The following TXNRD2 variants were observed in gnomAD, a reference collection of about 807,000 sequenced individuals.
The protein encoded by TXNRD2 is thioredoxin reductase 2.
A neutral mutation model predicts 70.8 loss-of-function variants in TXNRD2; 67 were observed. That is an observed-to-expected ratio of 0.95 (90% confidence interval 0.78 to 1.16). The LOEUF is 1.16. TXNRD2 is among the 50% of genes most tolerant of loss of function. The pLI is 0.00. For missense variants in TXNRD2, 644 were observed against 719.9 expected (o/e 0.89, Z 1.21); for synonymous variants, 301 against 295.8 (o/e 1.02, Z -0.18).
At chr22:19,911,953 C>A (rs2146026647) in intron 7 of TXNRD2, among the ~76,000 whole-genome samples, 1 of 152,268 alleles carries the variant, frequency 6.6e-6, no homozygotes. Flanking sequence ...GTCTGCGCGG[C>A]AGGGGTGGCC....
At chr22:19,912,494 C>G (rs2146028486) in intron 7 of TXNRD2, among the ~76,000 whole-genome samples, 1 of 152,338 alleles carries the variant, frequency 6.6e-6, no homozygotes, top group South Asian at 2.1e-4. Context: ...GGCCAGGGCC[C>G]CTGTGCAGTG....
intron 2 of TXNRD2, among the ~76,000 whole-genome samples, chr22:19,923,382 G>T (rs1197627758): frequency 6.6e-6 from 1 of 152,082 alleles, no homozygotes. Flanking sequence ...AAGGGGCTGC[G>T]ATGCTCCCAG....
At chr22:19,876,899 C>T (rs1569067682) in intron 17 of TXNRD2, 141 bp downstream of exon 17, 1 of 559,468 alleles carries the variant, frequency 1.8e-6, no homozygotes, top group Non-Finnish European at 2.9e-6. Context: ...ACCGCTGTGG[C>T]CTGGTTACAG....
intron 16 of TXNRD2, 74 bp downstream of exon 16, chr22:19,878,016 C>A (rs1018702653): frequency 6.1e-5 from 77 of 1,269,276 alleles, no homozygotes; most frequent in Non-Finnish European, 7.8e-5. Flanking sequence ...AGCAGCTCTC[C>A]ACTGTAGGAC....
chr22:19,908,926 T>G (rs60421292), intron 8 of TXNRD2, among the ~76,000 whole-genome samples: 1 of 152,156 alleles, frequency 6.6e-6, no homozygotes, highest in Non-Finnish European at 1.5e-5. Flanking sequence ...TAACGTGGGC[T>G]GGGCGTGGTG....
At chr22:19,888,539 C>T (rs556384029) in intron 11 of TXNRD2, among the ~76,000 whole-genome samples, 5 of 152,362 alleles carry the variant, frequency 3.3e-5, no homozygotes, top group African/African-American at 1.2e-4. Context: ...AGGCAGCGCC[C>T]CAGGTGAGAG....
intron 11 of TXNRD2, among the ~76,000 whole-genome samples, chr22:19,887,089 C>T (rs1409725443): frequency 2.0e-5 from 3 of 152,316 alleles, no homozygotes; most frequent in South Asian, 2.1e-4. Flanking sequence ...TTTTTGGCCA[C>T]GTGTTTATGA....
At chr22:19,940,262 A>AAAAC (rs1442596953) in intron 1 of TXNRD2, among the ~76,000 whole-genome samples, 1 of 151,364 alleles carries the variant, frequency 6.6e-6, no homozygotes. Context: ...AAAAAAAAAA[A>AAAAC]AAAACCCCAA....
At chr22:19,899,959 C>T (rs1338867056) in intron 8 of TXNRD2, among the ~76,000 whole-genome samples, 1 of 152,210 alleles carries the variant, frequency 6.6e-6, no homozygotes, top group East Asian at 1.9e-4. Flanking sequence ...AGTCTTTGAA[C>T]AAGAGGAGGT....
chr22:19,932,355 A>G (rs940801858), intron 1 of TXNRD2: 1 of 1,612,262 alleles, frequency 6.2e-7, no homozygotes, highest in Non-Finnish European at 8.5e-7. Context: ...GTGTCGCCTC[A>G]CCTTGGTCCT....
intron 11 of TXNRD2, chr22:19,887,482 T>C (rs200269952): frequency 6.6e-6 from 1 of 152,342 alleles, no homozygotes; most frequent in East Asian, 1.9e-4. Flanking sequence ...CAGACAGAGC[T>C]GTCCATCACC....
chr22:19,909,936 TCACACACCACACACACACACCACTCACA>T (rs1940323628), intron 8 of TXNRD2, among the ~76,000 whole-genome samples: 1 of 35,434 alleles, frequency 2.8e-5, no homozygotes, highest in African/African-American at 1.2e-4. Flanking sequence ...CACACACCAC[TCACACACCACACACACACACCACTCACA>T]CACACACCAC....
At chr22:19,937,750 G>A (rs189657774) in intron 1 of TXNRD2, among the ~76,000 whole-genome samples, 4 of 152,122 alleles carry the variant, frequency 2.6e-5, no homozygotes, top group African/African-American at 7.2e-5. Flanking sequence ...CAACAAACAC[G>A]GCCAAATGCT....
At chr22:19,901,590 A>T (rs1186127620) in intron 8 of TXNRD2, among the ~76,000 whole-genome samples, 3 of 152,236 alleles carry the variant, frequency 2.0e-5, no homozygotes, top group Non-Finnish European at 4.4e-5. Context: ...CCTTTGAAGA[A>T]TGCAGGATAC....
intron 2 of TXNRD2, among the ~76,000 whole-genome samples, chr22:19,921,514 C>T (rs1370796744): frequency 6.6e-6 from 1 of 151,986 alleles, no homozygotes; most frequent in African/African-American, 2.4e-5. Flanking sequence ...CTGAAGCAAC[C>T]CAAAACCCAG....
intron 2 of TXNRD2, among the ~76,000 whole-genome samples, chr22:19,929,313 C>A (rs561705468): frequency 1.0e-4 from 14 of 138,532 alleles, no homozygotes; most frequent in African/African-American, 3.8e-4. Context: ...GGCAACAGAG[C>A]GAGACTCCAT....
At chr22:19,883,031 G>A (rs940202980) in intron 12 of TXNRD2, among the ~76,000 whole-genome samples, 2 of 152,248 alleles carry the variant, frequency 1.3e-5, no homozygotes, top group Admixed American at 6.5e-5. Flanking sequence ...TGAGGCCTGC[G>A]TGCAGAGCTG....
At chr22:19,906,443 A>G in intron 8 of TXNRD2, among the ~76,000 whole-genome samples, 1 of 152,088 alleles carries the variant, frequency 6.6e-6, no homozygotes. Flanking sequence ...TGGGCCACAT[A>G]GCGAGTCCTT....
intron 2 of TXNRD2, 76 bp downstream of exon 2, chr22:19,930,954 T>C: frequency 7.0e-7 from 1 of 1,420,422 alleles, no homozygotes; most frequent in East Asian, 2.3e-5. Flanking sequence ...CTCATGGACG[T>C]TTTCTGGACA....
Sources: allele counts gnomAD v4.1 joint callset (sites outside exome capture counted in the v4.1 genomes callset), GRCh38; gene constraint gnomAD v4.1.1; transcripts MANE v1.5; gene names NCBI Gene and HGNC (gene_info 2026-07-23, HGNC 2026-07-21).